The following RAB3GAP1 variants were observed in gnomAD, a reference collection of about 807,000 sequenced individuals.
RAB3GAP1 encodes rab3 GTPase-activating protein catalytic subunit.
A neutral mutation model predicts 130.7 loss-of-function variants in RAB3GAP1; 86 were observed. The observed-to-expected ratio is 0.66, with a 90% confidence interval of 0.55 to 0.79. The LOEUF (loss-of-function observed/expected upper bound fraction) is 0.79. Ranked by LOEUF, RAB3GAP1 falls within the 30% of genes least tolerant of loss-of-function variation. RAB3GAP1 has a pLI of 0.00. For missense variants in RAB3GAP1, 1,029 were observed against 1,169.4 expected (o/e 0.88, Z 1.75); for synonymous variants, 367 against 401.7 (o/e 0.91, Z 1.03).
downstream of RAB3GAP1, among the ~76,000 whole-genome samples, chr2:135,173,531 A>G (rs906381591): frequency 6.6e-6 from 1 of 152,194 alleles, no homozygotes; most frequent in African/African-American, 2.4e-5. Flanking sequence ...TATGCAGAGG[A>G]GCAAATGCAT....
At chr2:135,145,470 G>A (rs1030824649) in intron 17 of RAB3GAP1, among the ~76,000 whole-genome samples, 4 of 150,720 alleles carry the variant, frequency 2.7e-5, no homozygotes, top group Non-Finnish European at 5.9e-5. Flanking sequence ...TTTTTATTTC[G>A]TTTGCTTTAA....
chr2:135,058,955 A>T (rs1574073381), intron 3 of RAB3GAP1: 1 of 152,212 alleles, frequency 6.6e-6, no homozygotes, highest in Middle Eastern at 3.4e-3. Context: ...AGTTCTCAAT[A>T]TTTGCTAGGG....
At chr2:135,112,309 C>T (rs1463093000) in intron 5 of RAB3GAP1, among the ~76,000 whole-genome samples, 1 of 152,214 alleles carries the variant, frequency 6.6e-6, no homozygotes, top group African/African-American at 2.4e-5. Context: ...CAGCTAAAGA[C>T]ATTCTATACC....
rs1558791188 is a variant in RAB3GAP1, at chr2:135,130,781, C to A, written c.1236+60C>A. The A allele has an allele frequency of 2.7e-6, 4 of 1,489,930 alleles. No homozygotes were observed. The East Asian group carries it at 9.1e-5, about 34-fold the overall frequency. 92.3% of individuals were successfully genotyped at this position (1,489,930 alleles called of 1,614,324 possible). On this transcript the variant is annotated intron_variant, in intron 13 of 23. Coordinates refer to ENST00000264158, the MANE Select transcript of RAB3GAP1 (RefSeq NM_012233.3). ...CAGAATCATTTATTCATTATATAGC[C>A]AGTTCCTTTTATGTGGTAGGCAGTG...
intron 5 of RAB3GAP1, among the ~76,000 whole-genome samples, chr2:135,105,174 GCTCTCCCTCTCC>G (rs146903354): frequency 5.0e-5 from 7 of 140,572 alleles, no homozygotes; most frequent in Non-Finnish European, 9.0e-5. Flanking sequence ...ACAAATGTGA[GCTCTCCCTCTCC>G]CTCTCCCTCT....
At chr2:135,112,126 G>C (rs1175853789) in intron 5 of RAB3GAP1, among the ~76,000 whole-genome samples, 2 of 152,132 alleles carry the variant, frequency 1.3e-5, no homozygotes, top group African/African-American at 4.8e-5. Flanking sequence ...CCCCACCACT[G>C]ACCCTCTGCT....
intron 5 of RAB3GAP1, among the ~76,000 whole-genome samples, chr2:135,111,882 G>C (rs1690811507): frequency 1.3e-5 from 2 of 152,002 alleles, no homozygotes; most frequent in Admixed American, 6.5e-5. Context: ...ACATTTCCAT[G>C]TCAATTAGCT....
chr2:135,117,603 T>TCTTCTG (rs1558784468), intron 7 of RAB3GAP1, among the ~76,000 whole-genome samples: 33 of 139,306 alleles, frequency 2.4e-4, no homozygotes, highest in African/African-American at 9.0e-4. Context: ...TGCTGCTTCT[T>TCTTCTG]CTGCTTCTTC....
intron 5 of RAB3GAP1, among the ~76,000 whole-genome samples, chr2:135,103,589 G>T (rs1690512874): frequency 6.6e-6 from 1 of 152,016 alleles, no homozygotes; most frequent in African/African-American, 2.4e-5. Flanking sequence ...ACCATTTCTG[G>T]CTCCTCTTCC....
At position 135,169,990 on chromosome 2, in the gene RAB3GAP1, T is replaced by C. The variant is rs962177642; in HGVS notation, c.*1209T>C. On this transcript the variant is annotated 3_prime_UTR_variant, in exon 24 of 24. Coordinates refer to ENST00000264158, the MANE Select transcript of RAB3GAP1 (RefSeq NM_012233.3). The stretch of plus-strand genomic sequence containing the variant: ...TTATTTTTGTAAAAAAAAAAAAAAA[T>C]ACATATCTATATATAATATGTGTGT... 12 of 271,534 alleles carry C rather than the reference T, an allele frequency of 4.4e-5. No individual in the cohort carries two copies. In the East Asian group the frequency reaches 5.7e-4, roughly 13 times the overall value. The allele number at this position is 271,534 out of a possible 1,614,324, so 16.8% of individuals were successfully genotyped here.
chr2:135,065,897 A>G (rs1689308015), intron 3 of RAB3GAP1, among the ~76,000 whole-genome samples: 1 of 150,316 alleles, frequency 6.7e-6, no homozygotes, highest in Non-Finnish European at 1.5e-5. Flanking sequence ...CAGCCTCCTC[A>G]GTAGCTGGGA....
chr2:135,052,361 A>G (rs1216655640), intron 1 of RAB3GAP1, 36 bp downstream of exon 1: 2 of 1,613,974 alleles, frequency 1.2e-6, no homozygotes, highest in South Asian at 1.1e-5. Flanking sequence ...CCTTGTCACT[A>G]TCTAAATTCG....
intron 7 of RAB3GAP1, among the ~76,000 whole-genome samples, chr2:135,117,687 T>G (rs927051216): frequency 5.3e-3 from 600 of 112,428 alleles, no homozygotes; most frequent in African/African-American, 0.02. Context: ...TGCTTCTGCT[T>G]CTTCTTCTGC....
chr2:135,067,478 T>C (rs1689354512), intron 3 of RAB3GAP1, among the ~76,000 whole-genome samples: 1 of 152,248 alleles, frequency 6.6e-6, no homozygotes, highest in African/African-American at 2.4e-5. Context: ...TGTTTTGTTA[T>C]ATCTCTGATT....
chr2:135,139,746 C>G (rs1304363757), intron 17 of RAB3GAP1, among the ~76,000 whole-genome samples: 2 of 152,062 alleles, frequency 1.3e-5, no homozygotes, highest in Non-Finnish European at 2.9e-5. Flanking sequence ...AATACAATAG[C>G]CATTATCCAA....
At chr2:135,108,113 C>T (rs1045929543) in intron 5 of RAB3GAP1, among the ~76,000 whole-genome samples, 29 of 150,926 alleles carry the variant, frequency 1.9e-4, no homozygotes, top group African/African-American at 6.8e-4. Flanking sequence ...TTTATTGGTA[C>T]AGGAAAGAAA....
intron 3 of RAB3GAP1, among the ~76,000 whole-genome samples, chr2:135,081,361 T>TACACAC (rs1553440427): frequency 5.2e-4 from 37 of 71,248 alleles, no homozygotes; most frequent in South Asian, 7.9e-4. Flanking sequence ...TATATATATA[T>TACACAC]ACACACACGT....
chr2:135,089,898 G>A, intron 3 of RAB3GAP1: 1 of 350,496 alleles, frequency 2.9e-6, no homozygotes, highest in South Asian at 2.1e-5. Flanking sequence ...AGAACACGTG[G>A]ACACAGGGAG....
rs371244315 is a variant in RAB3GAP1, at chr2:135,126,268, G to A, written c.899+19G>A. 4.6e-5 allele frequency: 72 copies of A among 1,579,362 alleles called. No homozygotes were observed. The African/African-American group carries it at 8.1e-4, about 18-fold the overall frequency. ...TTTATTCGTAAGTATGTTAAGAGTA[G>A]TAGTACACTGAGATTAAAAAACTTC... On this transcript the variant is annotated intron_variant, in intron 10 of 23. Coordinates refer to ENST00000264158, the MANE Select transcript of RAB3GAP1 (RefSeq NM_012233.3).
Sources: allele counts gnomAD v4.1 joint callset (sites outside exome capture counted in the v4.1 genomes callset), GRCh38; gene constraint gnomAD v4.1.1; transcripts MANE v1.5; gene names NCBI Gene and HGNC (gene_info 2026-07-23, HGNC 2026-07-21).